TMEM272: variants seen among roughly 807,000 people sequenced by gnomAD.
TMEM272 encodes transmembrane protein 272.
TMEM272 carries 8 observed loss-of-function variants against 3.7 expected under a neutral mutation model. The ratio of observed to expected loss-of-function variants is 2.17; its 90% confidence interval spans 1.27 to 3.91. The LOEUF (loss-of-function observed/expected upper bound fraction) is 3.91, where lower values mean the gene tolerates loss of function less well. Ranked by LOEUF, TMEM272 falls within the 30% of genes most tolerant of loss-of-function variation. The pLI, the probability that TMEM272 is intolerant of heterozygous loss-of-function variation, is 0.00. For synonymous variants in TMEM272, 63 were observed against 39.8 expected (o/e 1.58, Z -2.20); for missense variants, 166 against 91.5 (o/e 1.81, Z -3.32).
intron 3 of TMEM272, among the ~76,000 whole-genome samples, chr13:51,826,124 A>G (rs1001916457): frequency 1.4e-5 from 2 of 138,392 alleles, no homozygotes; most frequent in African/African-American, 2.9e-5. Flanking sequence ...GGAAATATTT[A>G]CTCATTCATT....
At chr13:51,915,614 G>C in the TMEM272 span, among the ~76,000 whole-genome samples, 30 of 152,190 alleles carry the variant, frequency 2.0e-4, no homozygotes, top group Admixed American at 4.6e-4. Context: ...CTGTCACCAT[G>C]CCCCTGGGTG....
At chr13:51,829,603 T>C (rs1169094411) in intron 2 of TMEM272, among the ~76,000 whole-genome samples, 1 of 152,206 alleles carries the variant, frequency 6.6e-6, no homozygotes, top group Non-Finnish European at 1.5e-5. Context: ...TTCTGCATTT[T>C]TGACCTTGGA....
At chr13:51,835,084 C>T (rs1039849201) in intron 2 of TMEM272, among the ~76,000 whole-genome samples, 6 of 152,094 alleles carry the variant, frequency 3.9e-5, no homozygotes, top group Non-Finnish European at 7.4e-5. Flanking sequence ...CCTGGATGAA[C>T]GCCCAGATAA....
the TMEM272 span, among the ~76,000 whole-genome samples, chr13:51,853,531 A>T: frequency 6.6e-6 from 1 of 152,228 alleles, no homozygotes; most frequent in African/African-American, 2.4e-5. Context: ...GAAGAGGAAG[A>T]GGAGGTGTTG....
chr13:51,905,476 CT>C, the TMEM272 span, among the ~76,000 whole-genome samples: 1 of 152,212 alleles, frequency 6.6e-6, no homozygotes, highest in Non-Finnish European at 1.5e-5. Context: ...GCCGGAGTTC[CT>C]CTTCAGCAGG....
the TMEM272 span, among the ~76,000 whole-genome samples, chr13:51,882,043 A>C: frequency 2.6e-5 from 4 of 152,242 alleles, no homozygotes; most frequent in Non-Finnish European, 5.9e-5. Flanking sequence ...AATTTATTTA[A>C]AACAATTTCA....
At chr13:51,860,230 T>C in the TMEM272 span, among the ~76,000 whole-genome samples, 1 of 152,212 alleles carries the variant, frequency 6.6e-6, no homozygotes, top group Non-Finnish European at 1.5e-5. Flanking sequence ...AGTAATTGTC[T>C]TTTTGGTTAT....
chr13:51,851,161 C>T, the TMEM272 span, among the ~76,000 whole-genome samples: 3 of 152,162 alleles, frequency 2.0e-5, no homozygotes, highest in African/African-American at 7.2e-5. Flanking sequence ...CAGCAAGACC[C>T]TGTCTCTACA....
chr13:51,917,626 G>T, the TMEM272 span, among the ~76,000 whole-genome samples: 1 of 152,164 alleles, frequency 6.6e-6, no homozygotes, highest in African/African-American at 2.4e-5. Context: ...GTTCCTCAGG[G>T]CTGTGTAGAA....
At chr13:51,833,580 G>A (rs562151384) in intron 2 of TMEM272, among the ~76,000 whole-genome samples, 7 of 152,218 alleles carry the variant, frequency 4.6e-5, no homozygotes, top group South Asian at 4.2e-4. Context: ...TGCAGTGCTC[G>A]GGTGACAAGA....
At chr13:51,835,081 G>A (rs1164361999) in intron 2 of TMEM272, among the ~76,000 whole-genome samples, 3 of 152,102 alleles carry the variant, frequency 2.0e-5, no homozygotes, top group African/African-American at 7.2e-5. Flanking sequence ...CTCCCTGGAT[G>A]AACGCCCAGA....
chr13:51,844,864 A>C (rs935220578), intron 1 of TMEM272, among the ~76,000 whole-genome samples, 152 bp downstream of exon 1: 22 of 152,108 alleles, frequency 1.4e-4, no homozygotes, highest in African/African-American at 5.1e-4. Context: ...CGTTCCCTCC[A>C]CACAATTAAG....
At chr13:51,881,755 C>A in the TMEM272 span, among the ~76,000 whole-genome samples, 1 of 152,178 alleles carries the variant, frequency 6.6e-6, no homozygotes, top group Non-Finnish European at 1.5e-5. Context: ...CACCTATGAG[C>A]CAGGAAATGA....
Position 51,816,681 on chromosome 13 carries a change from C to CG in TMEM272, c.*69_*70insC. On this transcript the variant is annotated 3_prime_UTR_variant, in exon 5 of 5. Transcript: ENST00000629372. ...TGTGTGTGTGTGTGTGTGTGTGCGTCTGTGTGTCTGTGTGCACGCGCGTGC... is the reference window on the plus strand; with the variant it reads ...TGTGTGTGTGTGTGTGTGTGTGCGTCGTGTGTGTCTGTGTGCACGCGCGTGC... 1 of 627,958 alleles carries CG rather than the reference C, an allele frequency of 1.6e-6. No individual in the cohort carries two copies. The highest frequency in any genetic ancestry group is 2.9e-6 in the Non-Finnish European group (1 of 345,542). The allele number at this position is 627,958 out of a possible 1,614,324, so 38.9% of individuals were successfully genotyped here. A position where few individuals can be genotyped will look rare whatever the true frequency, so the allele number is the denominator to read the frequency against.
At chr13:51,860,818 A>AGTGTGTGTGTGTGT in the TMEM272 span, among the ~76,000 whole-genome samples, 10 of 144,254 alleles carry the variant, frequency 6.9e-5, no homozygotes, top group African/African-American at 2.6e-4. Context: ...TATATATAGA[A>AGTGTGTGTGTGTGT]GTGTGTGTGT....
At chr13:51,821,944 G>A (rs1956083279) in intron 4 of TMEM272, 111 bp downstream of exon 4, 1 of 693,756 alleles carries the variant, frequency 1.4e-6, no homozygotes, top group South Asian at 1.5e-5. Flanking sequence ...CACGCTTAGG[G>A]GGAAGTTGTT....
the TMEM272 span, among the ~76,000 whole-genome samples, chr13:51,868,993 T>C: frequency 2.0e-5 from 3 of 152,186 alleles, no homozygotes; most frequent in East Asian, 1.9e-4. Context: ...ATTTTTGAAA[T>C]GCAGTGGGTT....
chr13:51,934,232 G>C, the TMEM272 span: 1 of 219,706 alleles, frequency 4.6e-6, no homozygotes, highest in Non-Finnish European at 9.2e-6. Flanking sequence ...GAGAGAAAAG[G>C]AACAGACTAT....
At chr13:51,865,226 G>A in the TMEM272 span, 1 of 597,020 alleles carries the variant, frequency 1.7e-6, no homozygotes, top group East Asian at 2.8e-5. Flanking sequence ...ACCACCATGT[G>A]GACAAAGAGC....
Sources: allele counts gnomAD v4.1 joint callset (sites outside exome capture counted in the v4.1 genomes callset), GRCh38; gene constraint gnomAD v4.1.1; transcripts MANE v1.5; gene names NCBI Gene and HGNC (gene_info 2026-07-23, HGNC 2026-07-21).